Variants in MBD5 observed in about 807,000 individuals in gnomAD.
MBD5 encodes the protein methyl-CpG binding domain protein 5, also known as methyl-CpG-binding domain protein 5.
MBD5 carries 13 observed loss-of-function variants against 117.3 expected under a neutral mutation model. The observed-to-expected ratio is 0.11, with a 90% confidence interval of 0.07 to 0.18. The LOEUF (loss-of-function observed/expected upper bound fraction) is 0.18. Ranked by LOEUF, MBD5 falls within the 10% of genes least tolerant of loss-of-function variation. The probability of loss-of-function intolerance (pLI) is 1.00; values close to 1 mark genes in which losing one functional copy is unlikely to be tolerated. For missense variants in MBD5, 1,879 were observed against 2,093.8 expected (o/e 0.90, Z 2.00); for synonymous variants, 727 against 766.4 (o/e 0.95, Z 0.85).
At chr2:148,237,284 G>A (rs1015759785) in intron 3 of MBD5, among the ~76,000 whole-genome samples, 11 of 152,092 alleles carry the variant, frequency 7.2e-5, no homozygotes, top group East Asian at 3.9e-4. Flanking sequence ...ACTGTTGGGC[G>A]CAAGATGCCT....
At chr2:148,154,966 A>G (rs1394670826) in intron 1 of MBD5, among the ~76,000 whole-genome samples, 1 of 152,138 alleles carries the variant, frequency 6.6e-6, no homozygotes, top group Non-Finnish European at 1.5e-5. Flanking sequence ...CTAAATAAAT[A>G]TTTATTGAGT....
intron 3 of MBD5, among the ~76,000 whole-genome samples, chr2:148,336,415 A>G (rs923851011): frequency 3.3e-5 from 5 of 152,038 alleles, no homozygotes; most frequent in African/African-American, 9.7e-5. Flanking sequence ...GAGACAGGAT[A>G]TGGCTCTGTT....
At chr2:148,445,321 G>A (rs1240090776) in intron 4 of MBD5, among the ~76,000 whole-genome samples, 8 of 149,960 alleles carry the variant, frequency 5.3e-5, no homozygotes, top group East Asian at 2.0e-4. Context: ...AGTGTGTGAT[G>A]TTCCCCTTGC....
intron 11 of MBD5, among the ~76,000 whole-genome samples, chr2:148,499,391 T>G (rs1308785179): frequency 3.9e-5 from 6 of 152,188 alleles, no homozygotes; most frequent in Non-Finnish European, 8.8e-5. Context: ...TTATGATTCT[T>G]AAATGACATG....
chr2:148,200,294 T>C (rs1027939113), intron 2 of MBD5, among the ~76,000 whole-genome samples: 14 of 152,284 alleles, frequency 9.2e-5, no homozygotes, highest in Middle Eastern at 3.4e-3. Context: ...TGCAATCTAA[T>C]AGAGGTACTT....
chr2:148,359,319 G>A (rs1417027602), intron 4 of MBD5, among the ~76,000 whole-genome samples: 1 of 151,376 alleles, frequency 6.6e-6, no homozygotes, highest in Non-Finnish European at 1.5e-5. Context: ...CAGCAATAAG[G>A]ATCAAAATGC....
chr2:148,197,794 G>GTTTTTTTTTTTT (rs56029734), intron 2 of MBD5, among the ~76,000 whole-genome samples: 1 of 102,568 alleles, frequency 9.7e-6, no homozygotes, highest in East Asian at 3.0e-4. Context: ...AGCATCTGAG[G>GTTTTTTTTTTTT]TTTTTTTTTT....
chr2:148,034,131 G>C (rs570627596), intron 1 of MBD5, among the ~76,000 whole-genome samples: 110 of 152,226 alleles, frequency 7.2e-4, no homozygotes, highest in Non-Finnish European at 1.3e-3. Context: ...CGAGGTCAAG[G>C]CTGCAGGGAG....
chr2:148,493,414 T>C (rs1337887617), intron 11 of MBD5, among the ~76,000 whole-genome samples: 1 of 152,236 alleles, frequency 6.6e-6, no homozygotes, highest in Non-Finnish European at 1.5e-5. Flanking sequence ...TTATTTTCAG[T>C]TACAGGCTTT....
At chr2:148,227,297 G>A (rs1278521987) in intron 2 of MBD5, among the ~76,000 whole-genome samples, 2 of 152,150 alleles carry the variant, frequency 1.3e-5, no homozygotes, top group East Asian at 1.9e-4. Context: ...TGTATAAGGT[G>A]TAAGGAAGGG....
At chr2:148,287,921 T>C (rs939131274) in intron 3 of MBD5, among the ~76,000 whole-genome samples, 2 of 152,064 alleles carry the variant, frequency 1.3e-5, no homozygotes, top group Non-Finnish European at 2.9e-5. Flanking sequence ...CACATGAACT[T>C]TGGGGGACGC....
intron 8 of MBD5, among the ~76,000 whole-genome samples, chr2:148,475,100 G>A (rs1466695358): frequency 6.6e-6 from 1 of 152,090 alleles, no homozygotes; most frequent in Non-Finnish European, 1.5e-5. Context: ...TGAAGAAAGA[G>A]GAAGAGCCTC....
intron 4 of MBD5, among the ~76,000 whole-genome samples, chr2:148,451,538 T>A (rs985263119): frequency 2.0e-5 from 3 of 152,092 alleles, no homozygotes; most frequent in Non-Finnish European, 4.4e-5. Context: ...CATTTAGGGT[T>A]ACTCTAACAA....
chr2:148,116,088 C>T (rs1473124439), intron 1 of MBD5, among the ~76,000 whole-genome samples: 1 of 152,104 alleles, frequency 6.6e-6, no homozygotes, highest in Admixed American at 6.5e-5. Context: ...AAGCCATCCG[C>T]CTGCCTCAAC....
chr2:148,051,593 TC>T, intron 1 of MBD5, among the ~76,000 whole-genome samples: 1 of 146,030 alleles, frequency 6.8e-6, no homozygotes, highest in Admixed American at 7.0e-5. Flanking sequence ...TTCCTTCTGT[TC>T]TGTTTGTTGA....
chr2:148,030,518 A>G (rs1014085887), intron 1 of MBD5, among the ~76,000 whole-genome samples: 5 of 152,192 alleles, frequency 3.3e-5, no homozygotes, highest in African/African-American at 7.2e-5. Context: ...ACATTTTTAT[A>G]CTATTTATAC....
intron 1 of MBD5, among the ~76,000 whole-genome samples, chr2:148,149,702 A>G (rs904864988): frequency 1.3e-5 from 2 of 152,052 alleles, no homozygotes; most frequent in African/African-American, 4.8e-5. Flanking sequence ...GATGATGAGC[A>G]TTTTTTCATA....
rs554547454 is a variant in MBD5, at chr2:148,440,323, A to G, written c.-556-17880A>G. ...CACTGTTTTTCTGATTTGTTACTTC[A>G]TCTCTGTGTTCCTGTAATACATCTG... On this transcript the variant is annotated intron_variant, in intron 4 of 13. Coordinates refer to ENST00000642680, the MANE Select transcript of MBD5 (RefSeq NM_001378120.1). 1.1e-4 allele frequency among the ~76,000 whole-genome samples: 16 copies of G among 152,336 alleles called. No individual in the cohort carries two copies. The South Asian group carries it at 3.3e-3, about 32-fold the overall frequency.
intron 3 of MBD5, among the ~76,000 whole-genome samples, chr2:148,252,404 C>T (rs146364173): frequency 1.7e-3 from 260 of 152,036 alleles, no homozygotes; most frequent in African/African-American, 5.9e-3. Flanking sequence ...AAGGTTGCAG[C>T]GAACCCAGAT....
Sources: gnomAD v4.1 joint callset for allele counts (sites outside exome capture counted in the v4.1 genomes callset) on GRCh38, gnomAD v4.1.1 for gene constraint, MANE v1.5 for transcripts, NCBI Gene and HGNC (gene_info 2026-07-23, HGNC 2026-07-21) for gene names.